PKIG: variants seen among roughly 807,000 people sequenced by gnomAD.
The protein encoded by PKIG is protein kinase (cAMP-dependent, catalytic) inhibitor gamma.
In PKIG, 1 loss-of-function variant was observed where a neutral mutation model predicts 6.8. The observed-to-expected ratio is 0.15, with a 90% CI of 0.05 to 0.69. The LOEUF (loss-of-function observed/expected upper bound fraction) is 0.69. PKIG is among the 30% of genes least tolerant of loss of function. The pLI is 0.82. For synonymous variants in PKIG, 39 were observed against 43.0 expected (o/e 0.91, Z 0.36); for missense variants, 77 against 104.0 (o/e 0.74, Z 1.13).
chr20:44,589,559 G>T (rs1376337935), intron 1 of PKIG, among the ~76,000 whole-genome samples: 1 of 151,854 alleles, frequency 6.6e-6, no homozygotes, highest in Non-Finnish European at 1.5e-5. Flanking sequence ...TTCGCCCCTT[G>T]GTTTTGCTAC....
At chr20:44,583,506 G>C (rs2064965088) in intron 1 of PKIG, among the ~76,000 whole-genome samples, 1 of 93,350 alleles carries the variant, frequency 1.1e-5, no homozygotes, top group Admixed American at 1.0e-4. Flanking sequence ...CCTGAACTGA[G>C]GAGGATTCCT....
chr20:44,578,265 T>C (rs2064917050), upstream of PKIG, among the ~76,000 whole-genome samples: 2 of 137,986 alleles, frequency 1.4e-5, no homozygotes, highest in Non-Finnish European at 3.0e-5. Context: ...GGCGTGAACC[T>C]GGGAGGCGGA....
At chr20:44,613,558 G>T (rs1205941724) in intron 2 of PKIG, among the ~76,000 whole-genome samples, 1 of 152,130 alleles carries the variant, frequency 6.6e-6, no homozygotes, top group Non-Finnish European at 1.5e-5. Context: ...TTCCTCCTTT[G>T]TTCTTCCATA....
chr20:44,539,602 A>G (rs1016998075), intron 1 of PKIG, among the ~76,000 whole-genome samples: 1 of 151,762 alleles, frequency 6.6e-6, no homozygotes, highest in Non-Finnish European at 1.5e-5. Flanking sequence ...TATATTTAGT[A>G]GTAACAGGGT....
chr20:44,592,537 C>T (rs1330643077), intron 2 of PKIG, among the ~76,000 whole-genome samples: 3 of 152,230 alleles, frequency 2.0e-5, no homozygotes, highest in Non-Finnish European at 2.9e-5. Context: ...TGCTTGGCAG[C>T]TAGGAGTGTG....
rs543985582 is a variant in PKIG at position 44,608,698 on chromosome 20, G to T, written c.-23-5836G>T. ...TGGAATAGTCCCAGCTACTCAGGAG[G>T]CTGAGGCAACAGGATTGCTTGAGCC... On this transcript the variant is annotated intron_variant, in intron 2 of 3. Transcript: ENST00000372886. Among the ~76,000 whole-genome samples the T allele has an allele frequency of 2.6e-5, 4 of 151,770 alleles. No homozygotes were observed. The South Asian group carries it at 8.3e-4, about 32-fold the overall frequency.
chr20:44,584,118 C>T (rs370705838), intron 1 of PKIG, among the ~76,000 whole-genome samples: 39 of 152,242 alleles, frequency 2.6e-4, no homozygotes, highest in African/African-American at 8.7e-4. Flanking sequence ...ACTAGATGGT[C>T]AGTATTATTC....
At chr20:44,552,074 G>T (rs2123198681) in intron 1 of PKIG, among the ~76,000 whole-genome samples, 1 of 152,308 alleles carries the variant, frequency 6.6e-6, no homozygotes, top group South Asian at 2.1e-4. Context: ...GTTTCTTCTA[G>T]CTTTATTTCT....
chr20:44,573,310 A>C (rs1403470232), intron 1 of PKIG, among the ~76,000 whole-genome samples: 1 of 152,246 alleles, frequency 6.6e-6, no homozygotes, highest in Non-Finnish European at 1.5e-5. Flanking sequence ...CTTTAGCTGC[A>C]TTGCTGCATT....
At chr20:44,568,173 GTC>G in intron 1 of PKIG, among the ~76,000 whole-genome samples, 1 of 152,162 alleles carries the variant, frequency 6.6e-6, no homozygotes, top group Middle Eastern at 3.4e-3. Context: ...TGATATAAAT[GTC>G]TCTCTCATTT....
chr20:44,614,550 G>C lies in PKIG; in HGVS notation c.-7G>C. The C allele has an allele frequency of 6.2e-7, 1 of 1,613,726 alleles. No homozygotes were observed. Among genetic ancestry groups the C allele is most frequent in the East Asian group, 2.2e-5 (1 of 44,872 alleles). ...TCCCCACAGGCCTGAGGAGCGATGC[G>C]ACAGGCATGATGGAGGTCGAGTCCT... On this transcript the variant is annotated 5_prime_UTR_variant, in exon 3 of 4. Coordinates refer to ENST00000372886, the MANE Select transcript of PKIG (RefSeq NM_001281445.2). This position sits in a 1 kb window ranked among gnomAD's most constrained non-coding sequence, Gnocchi z 4.6.
In PKIG at chr20:44,614,760, G is replaced by A. The variant is rs1273999345; in HGVS notation, c.151+53G>A. The A allele has an allele frequency of 1.3e-6, 2 of 1,596,732 alleles. No individual in the cohort carries two copies. The highest frequency in any genetic ancestry group is 1.7e-6 in the Non-Finnish European group (2 of 1,169,980). The stretch of plus-strand genomic sequence containing the variant: ...CTGCATGCCAGAGGCCCTCTGCCGG[G>A]CCCCGGGCTAGCCTCCAAGTCCTAG... On this transcript the variant is annotated intron_variant, in intron 3 of 3. Coordinates refer to ENST00000372886, the MANE Select transcript of PKIG (RefSeq NM_001281445.2). This position sits in a 1 kb window ranked among gnomAD's most constrained non-coding sequence, Gnocchi z 4.6.
intron 1 of PKIG, among the ~76,000 whole-genome samples, chr20:44,588,053 A>C (rs1203915385): frequency 6.6e-6 from 1 of 152,238 alleles, no homozygotes; most frequent in African/African-American, 2.4e-5. Flanking sequence ...ACACATTGTG[A>C]AAATGTGCCC....
intron 2 of PKIG, among the ~76,000 whole-genome samples, chr20:44,607,373 ATATATTTTT>A (rs1568833598): frequency 1.8e-5 from 2 of 111,452 alleles, no homozygotes; most frequent in Non-Finnish European, 3.4e-5. Flanking sequence ...ATATATATAT[ATATATTTTT>A]TTTTTTTTTT....
At chr20:44,610,500 T>TCTCACACACACACACACACACACACACA in intron 2 of PKIG, among the ~76,000 whole-genome samples, 1 of 135,492 alleles carries the variant, frequency 7.4e-6, no homozygotes, top group African/African-American at 3.0e-5. Context: ...TCTCTCTCTC[T>TCTCACACACACACACACACACACACACA]CACACACACA....
intron 1 of PKIG, among the ~76,000 whole-genome samples, chr20:44,570,739 A>C (rs1302630328): frequency 6.6e-6 from 1 of 152,212 alleles, no homozygotes; most frequent in Non-Finnish European, 1.5e-5. Flanking sequence ...AAAGGCAGTA[A>C]AGAAATGAAT....
In PKIG at chr20:44,607,314, G is replaced by GGTGTGT. The variant is rs11472265; in HGVS notation, c.-23-7207_-23-7202dup. Among the ~76,000 whole-genome samples the GGTGTGT allele has an allele frequency of 1.2e-4, 18 of 147,662 alleles. No individual in the cohort carries two copies. In the East Asian group the frequency reaches 2.6e-3, roughly 21 times the overall value. On this transcript the variant is annotated intron_variant, in intron 2 of 3. Coordinates refer to ENST00000372886, the MANE Select transcript of PKIG (RefSeq NM_001281445.2). ...CAGAGTGATCTACAGTTGTTTCCAAGGTGTGTGTGTGTGTGTGTTTGTGTG... is the reference window on the plus strand; with the variant it reads ...CAGAGTGATCTACAGTTGTTTCCAAGGTGTGTGTGTGTGTGTGTGTGTGTTTGTGTG...
chr20:44,586,811 CT>C (rs751634380), intron 1 of PKIG, among the ~76,000 whole-genome samples: 2 of 152,216 alleles, frequency 1.3e-5, no homozygotes, highest in Non-Finnish European at 2.9e-5. Flanking sequence ...AGAGTGGTTT[CT>C]TTGGAAGTTG....
chr20:44,546,193 T>G (rs1016912732), intron 1 of PKIG, among the ~76,000 whole-genome samples: 1 of 152,118 alleles, frequency 6.6e-6, no homozygotes, highest in Non-Finnish European at 1.5e-5. Flanking sequence ...GAGGCTGCAG[T>G]GAGCCATGAT....
Sources: gnomAD v4.1 joint callset for allele counts (sites outside exome capture counted in the v4.1 genomes callset) on GRCh38, gnomAD v4.1.1 for gene constraint, Gnocchi (gnomAD v3.1) non-coding constraint, MANE v1.5 for transcripts, NCBI Gene and HGNC (gene_info 2026-07-23, HGNC 2026-07-21) for gene names.